NAV2: variants seen among roughly 807,000 people sequenced by gnomAD.
NAV2 encodes neuron navigator 2.
A neutral mutation model predicts 223.2 loss-of-function variants in NAV2; 54 were observed. The ratio of observed to expected loss-of-function variants is 0.24; its 90% confidence interval spans 0.19 to 0.30. The LOEUF (loss-of-function observed/expected upper bound fraction) is 0.30. NAV2 is among the 10% of genes least tolerant of loss of function. The pLI is 1.00. For missense variants in NAV2, 2,806 were observed against 3,147.5 expected, an observed-to-expected ratio of 0.89 and a Z score of 2.60; for synonymous variants, 1,279 against 1,239.3, an observed-to-expected ratio of 1.03 and a Z score of -0.67.
intron 26 of NAV2, among the ~76,000 whole-genome samples, chr11:20,089,757 C>T (rs2060699153): frequency 6.6e-6 from 1 of 152,096 alleles, no homozygotes; most frequent in East Asian, 1.9e-4. Context: ...CCTAACATTG[C>T]AATTCATCAC....
intron 1 of NAV2, among the ~76,000 whole-genome samples, chr11:19,577,638 G>A (rs1565066528): frequency 6.6e-6 from 1 of 151,792 alleles, no homozygotes; most frequent in Non-Finnish European, 1.5e-5. Flanking sequence ...TTTTATCACA[G>A]TTATTTCCTT....
intron 1 of NAV2, among the ~76,000 whole-genome samples, chr11:19,648,904 G>A (rs147810482): frequency 3.9e-5 from 6 of 152,032 alleles, no homozygotes; most frequent in Non-Finnish European, 8.8e-5. Context: ...ATATTTTGAT[G>A]TATTTCCTAC....
intron 11 of NAV2, among the ~76,000 whole-genome samples, chr11:19,999,320 T>C (rs572515480): frequency 1.7e-4 from 26 of 152,348 alleles, no homozygotes; most frequent in Non-Finnish European, 3.2e-4. Flanking sequence ...TTCAGGAACT[T>C]CTCTTGTGGG....
intron 10 of NAV2, among the ~76,000 whole-genome samples, chr11:19,961,123 C>A (rs967482929): frequency 6.6e-6 from 1 of 151,574 alleles, no homozygotes; most frequent in Non-Finnish European, 1.5e-5. Flanking sequence ...ATTTTTTTCT[C>A]TTTTTATATA....
intron 6 of NAV2, among the ~76,000 whole-genome samples, chr11:19,932,257 A>AAAAAAAAAAAAG (rs1555153008): frequency 2.0e-3 from 201 of 99,992 alleles, no homozygotes; most frequent in East Asian, 4.6e-3. Context: ...AAAAAAAAAA[A>AAAAAAAAAAAAG]AAAGAAAGAA....
chr11:19,999,166 A>T (rs1428599811), intron 11 of NAV2, among the ~76,000 whole-genome samples: 1 of 152,276 alleles, frequency 6.6e-6, no homozygotes, highest in Non-Finnish European at 1.5e-5. Flanking sequence ...AAGGGGCATC[A>T]GTCGGCTGTA....
chr11:19,742,526 C>T (rs2052935226), intron 1 of NAV2, among the ~76,000 whole-genome samples: 1 of 152,142 alleles, frequency 6.6e-6, no homozygotes, highest in African/African-American at 2.4e-5. Context: ...TGCCTGCTAC[C>T]CACTACGTGA....
intron 1 of NAV2, among the ~76,000 whole-genome samples, chr11:19,538,396 A>G (rs1167593134): frequency 6.6e-6 from 1 of 152,090 alleles, no homozygotes; most frequent in Non-Finnish European, 1.5e-5. Context: ...GCTGGAGTAC[A>G]GTGGGGCAGT....
intron 1 of NAV2, among the ~76,000 whole-genome samples, chr11:19,487,361 T>C (rs1371838606): frequency 1.3e-5 from 2 of 152,196 alleles, no homozygotes; most frequent in African/African-American, 4.8e-5. Context: ...ATAAGCAACA[T>C]TTGACACGTT....
At chr11:19,694,714 A>T (rs2049278125) in intron 1 of NAV2, among the ~76,000 whole-genome samples, 1 of 152,158 alleles carries the variant, frequency 6.6e-6, no homozygotes, top group Non-Finnish European at 1.5e-5. Flanking sequence ...ATGAAATTTT[A>T]GAGCCAGCTT....
chr11:19,621,489 T>C (rs1163311169), intron 1 of NAV2, among the ~76,000 whole-genome samples: 3 of 152,158 alleles, frequency 2.0e-5, no homozygotes, highest in African/African-American at 7.2e-5. Flanking sequence ...CTTGGGAGAG[T>C]GTATGTATCG....
intron 11 of NAV2, chr11:20,027,154 C>T (rs981720521): frequency 8.7e-6 from 5 of 572,668 alleles, no homozygotes; most frequent in Admixed American, 1.3e-4. Flanking sequence ...ATGATGCTCC[C>T]GAGAAAACCT....
chr11:20,107,468 G>C (rs1327674744), intron 35 of NAV2, 196 bp from the exon 36 acceptor site: 1 of 596,194 alleles, frequency 1.7e-6, no homozygotes, highest in Admixed American at 2.7e-5. Context: ...GAGACCCCCA[G>C]GTGGAATCAG....
chr11:20,116,102 A>G (rs765949496), intron 37 of NAV2, among the ~76,000 whole-genome samples: 1 of 152,244 alleles, frequency 6.6e-6, no homozygotes, highest in Non-Finnish European at 1.5e-5. Flanking sequence ...CATGCCTTAA[A>G]TTTAGCCCCA....
chr11:19,580,061 G>A (rs962477300), intron 1 of NAV2, among the ~76,000 whole-genome samples: 12 of 152,148 alleles, frequency 7.9e-5, no homozygotes, highest in Admixed American at 6.5e-4. Flanking sequence ...GCTGTTAAAC[G>A]GAAAGCTCTA....
chr11:20,062,730 T>C (rs972307873), intron 20 of NAV2, among the ~76,000 whole-genome samples: 1 of 152,258 alleles, frequency 6.6e-6, no homozygotes, highest in Non-Finnish European at 1.5e-5. Flanking sequence ...AGTCTCCCTC[T>C]GTTGCCCAGG....
intron 1 of NAV2, among the ~76,000 whole-genome samples, chr11:19,697,207 A>T (rs1023329394): frequency 1.3e-5 from 2 of 152,214 alleles, no homozygotes; most frequent in Middle Eastern, 3.2e-3. Flanking sequence ...GTTCTCACTT[A>T]TAAGAGGGAG....
chr11:19,838,087 A>G (rs2060324024), intron 2 of NAV2, among the ~76,000 whole-genome samples: 1 of 152,188 alleles, frequency 6.6e-6, no homozygotes, highest in Non-Finnish European at 1.5e-5. Flanking sequence ...GTATGGGGGA[A>G]TTCTCTATAC....
intron 2 of NAV2, among the ~76,000 whole-genome samples, chr11:19,839,040 C>T (rs572462713): frequency 6.6e-6 from 1 of 152,286 alleles, no homozygotes; most frequent in South Asian, 2.1e-4. Flanking sequence ...TTCTATAAGG[C>T]AGAAGAAAGT....
Sources: allele counts gnomAD v4.1 joint callset (sites outside exome capture counted in the v4.1 genomes callset), GRCh38; gene constraint gnomAD v4.1.1; transcripts MANE v1.5; gene names NCBI Gene and HGNC (gene_info 2026-07-23, HGNC 2026-07-21).